TNFRSF11A: variants seen among roughly 807,000 people sequenced by gnomAD.
TNFRSF11A encodes tumor necrosis factor receptor superfamily member 11A.
Under a neutral mutation model 55.7 loss-of-function variants are expected in TNFRSF11A, and 32 were observed. The ratio of observed to expected loss-of-function variants is 0.57; its 90% CI spans 0.43 to 0.77. The LOEUF is 0.77. Among genes scored for constraint, TNFRSF11A ranks in the 30% least tolerant of loss-of-function variants. The pLI is 0.00. For missense variants in TNFRSF11A, 753 were observed against 809.8 expected (o/e 0.93, Z 0.85); for synonymous variants, 311 against 331.0 (o/e 0.94, Z 0.65).
chr18:62,385,793 C>G lies in TNFRSF11A; in HGVS notation c.*759C>G, dbSNP rs1048132784. Reference sequence around the variant, plus strand: ...TGAGCCCCCACGCTGGCCTGCTTTACGTATTTTCTTTTGTGCCCCTGCTCA... The same window carrying G: ...TGAGCCCCCACGCTGGCCTGCTTTAGGTATTTTCTTTTGTGCCCCTGCTCA... On this transcript the variant is annotated 3_prime_UTR_variant, in exon 10 of 10. Coordinates refer to ENST00000586569, the MANE Select transcript of TNFRSF11A (RefSeq NM_003839.4). 3 of 152,230 alleles carry G rather than the reference C, an allele frequency of 2.0e-5. No homozygotes were observed. The highest frequency in any genetic ancestry group is 6.5e-5 in the Admixed American group (1 of 15,272). 9.4% of individuals were successfully genotyped at this position (152,230 alleles called of 1,614,324 possible).
intron 9 of TNFRSF11A, 118 bp from the exon 10 acceptor site, chr18:62,384,633 G>T: frequency 8.1e-7 from 1 of 1,233,986 alleles, no homozygotes; most frequent in Non-Finnish European, 1.2e-6. Flanking sequence ...GTTCCCTGTG[G>T]CCCCGGGCTG....
chr18:62,368,774 T>C lies in TNFRSF11A; in HGVS notation c.857T>C (p.Leu286Ser). 6.2e-7 allele frequency: 1 copy of C among 1,614,214 alleles called. No individual in the cohort carries two copies. Among genetic ancestry groups the C allele is most frequent in the Non-Finnish European group, 8.5e-7 (1 of 1,180,032 alleles). ...CAGCAGGGAGCATGTGAAGGTGTCT[T>C]ACTGCTGACTCTGGAGGAGAAGACA... ...FGQQGACEGV[L>S]LLTLEEKTFP... The change falls in exon 9 of 10, where the codon TTA becomes TCA. Residue 286 changes from leucine to serine, a missense_variant. Physicochemically the swap from Leu to Ser is moderately radical, Grantham distance 145. This residue lies in a region of TNFRSF11A where 567 missense variants were observed against 596.7 expected (regional missense o/e 0.95). Coordinates refer to ENST00000586569, the MANE Select transcript of TNFRSF11A (RefSeq NM_003839.4).
chr18:62,336,226 A>T (rs950151146), intron 1 of TNFRSF11A: 6 of 152,172 alleles, frequency 3.9e-5, no homozygotes, highest in Admixed American at 6.5e-5. Context: ...ACCGGCATTG[A>T]CCTTGCCTGG....
intron 3 of TNFRSF11A, among the ~76,000 whole-genome samples, chr18:62,351,875 C>T (rs1444880749): frequency 6.6e-6 from 1 of 152,192 alleles, no homozygotes; most frequent in African/African-American, 2.4e-5. Flanking sequence ...TGGCTCACTG[C>T]AACCTTGGCC....
intron 1 of TNFRSF11A, among the ~76,000 whole-genome samples, chr18:62,334,949 A>G (rs12954058): frequency 0.15 from 23,343 of 152,054 alleles, 2,429 homozygotes; most frequent in Middle Eastern, 0.28. Flanking sequence ...CTGTGAGATC[A>G]AGGGGGCAGT....
At chr18:62,353,057 G>A (rs2046496848) in intron 3 of TNFRSF11A, among the ~76,000 whole-genome samples, 2 of 152,154 alleles carry the variant, frequency 1.3e-5, no homozygotes, top group African/African-American at 2.4e-5. Flanking sequence ...ATGGGGTCAT[G>A]TACTTATGTG....
chr18:62,350,243 T>G (rs2046446175), intron 3 of TNFRSF11A, among the ~76,000 whole-genome samples: 1 of 152,258 alleles, frequency 6.6e-6, no homozygotes, highest in Admixed American at 6.5e-5. Flanking sequence ...CCTGAAATCC[T>G]GTAGGTAGCC....
chr18:62,382,523 A>ATTTCCT (rs1911366157), intron 9 of TNFRSF11A, among the ~76,000 whole-genome samples: 1 of 151,654 alleles, frequency 6.6e-6, no homozygotes, highest in Non-Finnish European at 1.5e-5. Flanking sequence ...GAGTTTTATT[A>ATTTCCT]TTTCCTTTTC....
At chr18:62,359,202 A>T (rs979494808) in intron 5 of TNFRSF11A, among the ~76,000 whole-genome samples, 2 of 152,146 alleles carry the variant, frequency 1.3e-5, no homozygotes, top group African/African-American at 4.8e-5. Context: ...CCTGGGCAAC[A>T]TAGCAAGACC....
chr18:62,347,784 G>A (rs1428229670), intron 1 of TNFRSF11A, among the ~76,000 whole-genome samples: 1 of 151,958 alleles, frequency 6.6e-6, no homozygotes, highest in Non-Finnish European at 1.5e-5. Context: ...CGTGGCTATA[G>A]TCCCAGCTAC....
At chr18:62,381,581 C>T (rs1207532653) in intron 9 of TNFRSF11A, among the ~76,000 whole-genome samples, 2 of 152,094 alleles carry the variant, frequency 1.3e-5, no homozygotes, top group African/African-American at 2.4e-5. Flanking sequence ...AACCAGCAGG[C>T]GATGATGTCG....
intron 5 of TNFRSF11A, 57 bp from the exon 6 acceptor site, chr18:62,359,898 A>T: frequency 6.6e-7 from 1 of 1,506,610 alleles, no homozygotes; most frequent in South Asian, 1.1e-5. Flanking sequence ...GCATTTGTTC[A>T]CTTTTTAAAA....
intron 1 of TNFRSF11A, among the ~76,000 whole-genome samples, chr18:62,345,168 C>G (rs1360397752): frequency 6.6e-6 from 1 of 152,152 alleles, no homozygotes; most frequent in Non-Finnish European, 1.5e-5. Flanking sequence ...AGAATGAGAC[C>G]AGCACAGGGC....
chr18:62,330,132 A>T (rs1042791369), intron 1 of TNFRSF11A, among the ~76,000 whole-genome samples: 3 of 152,186 alleles, frequency 2.0e-5, no homozygotes, highest in Admixed American at 1.3e-4. Context: ...TCTGCAGTGG[A>T]CTGAGGAAAC....
At chr18:62,339,188 T>C (rs560515425) in intron 1 of TNFRSF11A, among the ~76,000 whole-genome samples, 1 of 152,292 alleles carries the variant, frequency 6.6e-6, no homozygotes, top group South Asian at 2.1e-4. Flanking sequence ...TGCCCTTTCC[T>C]GGAAGCCCCG....
At chr18:62,326,217 G>A (rs567240313) in intron 1 of TNFRSF11A, among the ~76,000 whole-genome samples, 1 of 152,294 alleles carries the variant, frequency 6.6e-6, no homozygotes, top group East Asian at 1.9e-4. Flanking sequence ...TCTTGGTTTC[G>A]GCTGGGTCAG....
intron 9 of TNFRSF11A, among the ~76,000 whole-genome samples, chr18:62,382,591 T>C (rs562379555): frequency 9.2e-5 from 14 of 152,328 alleles, no homozygotes; most frequent in Admixed American, 4.6e-4. Flanking sequence ...CTCATTGTCA[T>C]ATTTGTGTTC....
intron 7 of TNFRSF11A, among the ~76,000 whole-genome samples, chr18:62,362,490 C>CAAAAAAAAAAAAAAAAAAAAAAAAAAAA: frequency 1.3e-5 from 1 of 75,872 alleles, no homozygotes; most frequent in Non-Finnish European, 2.4e-5. Flanking sequence ...AACTTCATCT[C>CAAAAAAAAAAAAAAAAAAAAAAAAAAAA]AAAAAAAAAA....
Position 62,369,097 on chromosome 18 carries a change from C to G in TNFRSF11A, c.1180C>G (p.Gln394Glu). The change falls in exon 9 of 10, where the codon CAG becomes GAG. Residue 394 changes from glutamine (Q) to glutamate (E), a missense_variant. Around this residue, in one of 3 missense-constraint regions of TNFRSF11A, gnomAD observed 567 missense variants for 596.7 expected, o/e 0.95. Coordinates refer to ENST00000586569, the MANE Select transcript of TNFRSF11A (RefSeq NM_003839.4). ...TTTAAGCCAGTGCTTCACGGGGACA[C>G]AGAGCACAGTGGGTTCAGAAAGCTG... is the stretch of plus-strand genomic sequence containing the variant. ...DSLSQCFTGT[Q>E]STVGSESCNC... 1 of 1,614,102 alleles carries G rather than the reference C, an allele frequency of 6.2e-7. No homozygotes were observed. Among genetic ancestry groups the G allele is most frequent in the Non-Finnish European group, 8.5e-7 (1 of 1,180,046 alleles).
Sources: gnomAD v4.1 joint callset for allele counts (sites outside exome capture counted in the v4.1 genomes callset) on GRCh38, gnomAD v4.1.1 for gene constraint, gnomAD v4.1.1 regional missense constraint, MANE v1.5 for transcripts, NCBI Gene and HGNC (gene_info 2026-07-23, HGNC 2026-07-21) for gene names.